The following BRD9 variants were observed in gnomAD, a reference collection of about 807,000 sequenced individuals.
BRD9 encodes bromodomain-containing protein 9.
Under a neutral mutation model 68.7 loss-of-function variants are expected in BRD9, and 47 were observed. The ratio of observed to expected loss-of-function variants is 0.68; its 90% confidence interval spans 0.54 to 0.87. The LOEUF (loss-of-function observed/expected upper bound fraction) is 0.87. BRD9 is among the 40% of genes least tolerant of loss of function. BRD9 has a pLI of 0.00. For missense variants in BRD9, 670 were observed against 748.4 expected, an observed-to-expected ratio of 0.90 and a Z score of 1.22; for synonymous variants, 313 against 293.9, an observed-to-expected ratio of 1.06 and a Z score of -0.67.
At chr5:864,950 G>T (rs952654169) in intron 15 of BRD9, among the ~76,000 whole-genome samples, 1 of 152,158 alleles carries the variant, frequency 6.6e-6, no homozygotes, top group African/African-American at 2.4e-5. Flanking sequence ...CAATGGAATC[G>T]AAAATACCGG....
At chr5:877,663 T>G (rs1751151088) in intron 11 of BRD9, among the ~76,000 whole-genome samples, 1 of 152,170 alleles carries the variant, frequency 6.6e-6, no homozygotes, top group Non-Finnish European at 1.5e-5. Context: ...CATTTGTGAT[T>G]TTAGTATTAT....
intron 15 of BRD9, among the ~76,000 whole-genome samples, chr5:864,826 G>A (rs1579883421): frequency 6.6e-6 from 1 of 152,186 alleles, no homozygotes; most frequent in Non-Finnish European, 1.5e-5. Context: ...CTCAGACACA[G>A]CCCAGACCTC....
chr5:886,321 G>A (rs1037851252), intron 7 of BRD9, among the ~76,000 whole-genome samples: 5 of 152,218 alleles, frequency 3.3e-5, no homozygotes, highest in African/African-American at 4.8e-5. Flanking sequence ...TCTTAACGGC[G>A]TGTAGAGACA....
chr5:884,923 T>C (rs1752324741), intron 7 of BRD9, among the ~76,000 whole-genome samples: 2 of 152,234 alleles, frequency 1.3e-5, no homozygotes, highest in Admixed American at 1.3e-4. Context: ...CACGCTCTCC[T>C]GCCTGCAGAC....
intron 8 of BRD9, chr5:883,052 T>C (rs73733953): frequency 0.02 from 6,717 of 339,306 alleles, 387 homozygotes; most frequent in African/African-American, 0.13. Flanking sequence ...CCACTGCAAC[T>C]TCCCAACACG....
chr5:877,718 CG>C (rs1366582731), intron 11 of BRD9, among the ~76,000 whole-genome samples: 2 of 152,156 alleles, frequency 1.3e-5, no homozygotes, highest in Non-Finnish European at 2.9e-5. Flanking sequence ...GCTCAGAGTT[CG>C]TAAGTTGAAA....
At chr5:891,922 T>C (rs141761075) in intron 1 of BRD9, 68 bp from the exon 2 acceptor site, 7 of 1,537,614 alleles carry the variant, frequency 4.6e-6, no homozygotes, top group Non-Finnish European at 6.1e-6. Context: ...AGGTGAGACG[T>C]GAAGGTGCTA....
At chr5:881,364 C>T in intron 8 of BRD9, 182 bp from the exon 9 acceptor site, 1 of 635,400 alleles carries the variant, frequency 1.6e-6, no homozygotes, top group South Asian at 1.9e-5. Flanking sequence ...AGAGCGCGCA[C>T]AGGTGCCAAG....
chr5:881,304 A>T, intron 8 of BRD9, 122 bp from the exon 9 acceptor site: 3 of 904,176 alleles, frequency 3.3e-6, no homozygotes, highest in Non-Finnish European at 1.7e-6. Flanking sequence ...AACAAACGCC[A>T]GAGGGCCCCT....
At chr5:889,258 TTTTG>T (rs1211609777) in intron 4 of BRD9, 93 bp from the exon 5 acceptor site, 10 of 1,333,574 alleles carry the variant, frequency 7.5e-6, no homozygotes, top group Non-Finnish European at 1.0e-5. Context: ...ACTGACCGAA[TTTTG>T]TTTCTTAAAA....
At chr5:892,192 C>G (rs1753534757) in intron 1 of BRD9, 1 of 430,664 alleles carries the variant, frequency 2.3e-6, no homozygotes, top group South Asian at 2.8e-5. Flanking sequence ...CCCAGCACTT[C>G]GGTTCACCCT....
Position 891,718 on chromosome 5 carries a change from G to C in BRD9, c.189C>G (p.His63Gln), listed in dbSNP as rs1181312152. The C allele has an allele frequency of 6.4e-7, 1 of 1,550,944 alleles. No individual in the cohort carries two copies. Among genetic ancestry groups the C allele is most frequent in the Admixed American group, 2.0e-5 (1 of 50,946 alleles). Residue 63 changes from histidine to glutamine, a missense_variant, in exon 2 of 16, where the codon CAC becomes CAG. By Grantham distance (24) the His-to-Gln change is conservative. Around this residue, in one of 5 missense-constraint regions of BRD9, gnomAD observed 161 missense variants for 148.1 expected, o/e 1.09. Coordinates refer to ENST00000467963, the MANE Select transcript of BRD9 (RefSeq NM_023924.5). Reference sequence around the variant, plus strand: ...TCTTCTTCTTCTTTTTCTTTTCTTTGTGCCTCTCTCGCTCATGGTCTGACC... The same window carrying C: ...TCTTCTTCTTCTTTTTCTTTTCTTTCTGCCTCTCTCGCTCATGGTCTGACC... Reference protein sequence around the residue: ...DDRSDHERERHKEKKKKKKKK... With the variant: ...DDRSDHERERQKEKKKKKKKK...
At position 886,650 on chromosome 5, in the gene BRD9, C is replaced by A. The variant is rs1752610576; in HGVS notation, c.775G>T (p.Val259Leu). ...TAVEEPVPEV[V>L]PVQVETAKKS... ...TTGGCAGTTTCTACTTGTACTGGTA[C>A]AACTTCAGGGACAGGTTCCTCAACA... The change falls in exon 7 of 16, where the codon GTA (valine) becomes TTA (leucine). Residue 259 changes from valine (V) to leucine (L), a missense_variant. Transcript: ENST00000467963. 6.2e-7 allele frequency: 1 copy of A among 1,614,170 alleles called. No homozygotes were observed. Among genetic ancestry groups the A allele is most frequent in the African/African-American group, 1.3e-5 (1 of 75,050 alleles).
chr5:891,361 C>T, intron 2 of BRD9, 74 bp from the exon 3 acceptor site: 1 of 1,507,080 alleles, frequency 6.6e-7, no homozygotes, highest in South Asian at 1.3e-5. Flanking sequence ...AATCCCCTCG[C>T]AGTTCTCAGG....
chr5:871,916 G>A (rs1750193094), intron 12 of BRD9, among the ~76,000 whole-genome samples: 1 of 152,274 alleles, frequency 6.6e-6, no homozygotes. Context: ...GGAAGCTTAG[G>A]ATAAGAAGGG....
intron 14 of BRD9, chr5:865,813 C>A (rs539584313): frequency 1.9e-6 from 1 of 516,362 alleles, no homozygotes; most frequent in South Asian, 2.9e-5. Flanking sequence ...TCAAGCAAAG[C>A]ATCAGACAAG....
intron 2 of BRD9, 31 bp from the exon 3 acceptor site, chr5:891,318 G>C (rs756297860): frequency 6.5e-7 from 1 of 1,546,910 alleles, no homozygotes; most frequent in African/African-American, 1.4e-5. Flanking sequence ...AGTGAGAAAG[G>C]CAGGAGTAGG....
rs114178710 is a variant in BRD9 at position 869,506 on chromosome 5, G to A, written c.1525+967C>T. 6.6e-3 allele frequency: 2,437 copies of A among 369,966 alleles called. 21 individuals carry two copies. The highest frequency in any genetic ancestry group is 0.011 in the Non-Finnish European group (2,001 of 189,524). The allele number at this position is 369,966 out of a possible 1,614,324, so 22.9% of individuals were successfully genotyped here. On this transcript the variant is annotated intron_variant, in intron 14 of 15. Coordinates refer to ENST00000467963, the MANE Select transcript of BRD9 (RefSeq NM_023924.5). Reference sequence around the variant, plus strand: ...ATCTACATTCTGTAGAGAATCTCCTGCCCCTTCCAAGTCTCTTCCTGACCC... The same window carrying A: ...ATCTACATTCTGTAGAGAATCTCCTACCCCTTCCAAGTCTCTTCCTGACCC...
chr5:891,248 T>G lies in BRD9; in HGVS notation c.307A>C (p.Thr103Pro), dbSNP rs1319000761. ...KRKREREHCDTEGEADDFDPG... is the reference protein window; with the variant it reads ...KRKREREHCDPEGEADDFDPG... Reference sequence around the variant, plus strand: ...TCAAAGTCGTCAGCCTCTCCCTCCGTGTCACAGTGCTCCCTCTCTCGCTTC... The same window carrying G: ...TCAAAGTCGTCAGCCTCTCCCTCCGGGTCACAGTGCTCCCTCTCTCGCTTC... Residue 103 changes from threonine to proline, a missense_variant, in exon 3 of 16, where the codon ACG becomes CCG. Thr to Pro is a conservative substitution (Grantham distance 38). Coordinates refer to ENST00000467963, the MANE Select transcript of BRD9 (RefSeq NM_023924.5). 1.4e-5 allele frequency: 21 copies of G among 1,551,688 alleles called. No homozygotes were observed. Among genetic ancestry groups the G allele is most frequent in the Non-Finnish European group, 1.7e-5 (20 of 1,147,022 alleles).
Sources: allele counts gnomAD v4.1 joint callset (sites outside exome capture counted in the v4.1 genomes callset), GRCh38; gene constraint gnomAD v4.1.1; regional missense constraint gnomAD v4.1.1; transcripts MANE v1.5; gene names NCBI Gene and HGNC (gene_info 2026-07-23, HGNC 2026-07-21).